The following A1CF variants were observed in gnomAD, a reference collection of about 807,000 sequenced individuals.
A1CF encodes APOBEC-1 stimulating protein.
In A1CF, 48 loss-of-function variants were observed where a neutral mutation model predicts 68.9. That is an observed-to-expected ratio of 0.70 (90% confidence interval 0.55 to 0.89). The LOEUF (loss-of-function observed/expected upper bound fraction) is 0.89. A1CF is among the 40% of genes least tolerant of loss of function. A1CF has a pLI of 0.00. For missense variants in A1CF, 653 were observed against 718.9 expected (o/e 0.91, Z 1.05); for synonymous variants, 272 against 260.4 (o/e 1.04, Z -0.43).
intron 8 of A1CF, among the ~76,000 whole-genome samples, chr10:50,819,620 T>C (rs1416013323): frequency 6.6e-6 from 1 of 152,190 alleles, no homozygotes; most frequent in Non-Finnish European, 1.5e-5. Context: ...CCCTGACCGA[T>C]GCCAGATCCG....
chr10:50,845,881 G>T (rs537483456), intron 3 of A1CF, among the ~76,000 whole-genome samples: 1 of 150,426 alleles, frequency 6.6e-6, no homozygotes, highest in East Asian at 2.0e-4. Context: ...TTGAACCCAG[G>T]AAGTAGAGGT....
chr10:50,857,975 A>G (rs73326793), intron 3 of A1CF, among the ~76,000 whole-genome samples: 8 of 152,332 alleles, frequency 5.3e-5, no homozygotes, highest in Admixed American at 2.0e-4. Flanking sequence ...TGAGAGCCCA[A>G]TGAAGGTAGC....
At chr10:50,842,530 G>C (rs536752644) in intron 4 of A1CF, among the ~76,000 whole-genome samples, 5 of 152,288 alleles carry the variant, frequency 3.3e-5, no homozygotes, top group Admixed American at 2.0e-4. Flanking sequence ...AGAATTGCTT[G>C]AGCCCAGGCA....
chr10:50,885,481 C>T (rs979604964), intron 1 of A1CF, 100 bp downstream of exon 1: 1 of 152,152 alleles, frequency 6.6e-6, no homozygotes, highest in South Asian at 2.1e-4. Context: ...GGCTCGATAA[C>T]AGAAGAGGGT....
chr10:50,847,258 AC>A (rs1840043460), intron 3 of A1CF, among the ~76,000 whole-genome samples: 1 of 152,126 alleles, frequency 6.6e-6, no homozygotes, highest in Non-Finnish European at 1.5e-5. Context: ...AGACTTACAA[AC>A]CGTTGTCTCT....
At chr10:50,850,894 T>G in intron 3 of A1CF, 2 of 1,420,524 alleles carry the variant, frequency 1.4e-6, no homozygotes, top group Non-Finnish European at 1.9e-6. Flanking sequence ...ATTTATTCAA[T>G]AGGCCCATCT....
intron 1 of A1CF, among the ~76,000 whole-genome samples, chr10:50,874,570 G>T (rs1030174261): frequency 2.0e-5 from 3 of 152,094 alleles, no homozygotes; most frequent in South Asian, 4.1e-4. Flanking sequence ...AACTGCAAAC[G>T]TTCTTAAATT....
chr10:50,832,711 T>C lies in A1CF; in HGVS notation c.604+3363A>G, dbSNP rs533402038. ...CAGTTTCCTTATCTACAACCTACTA[T>C]TGTTGTGAGGTCAGGAAAAGATGAT... On this transcript the variant is annotated intron_variant, in intron 6 of 12. Transcript: ENST00000373997. Among the ~76,000 whole-genome samples, 7 of 152,270 alleles carry C rather than the reference T, an allele frequency of 4.6e-5. No individual in the cohort carries two copies. The South Asian group carries it at 1.0e-3, about 23-fold the overall frequency.
At chr10:50,848,572 C>G (rs1465147360) in intron 3 of A1CF, among the ~76,000 whole-genome samples, 1 of 152,138 alleles carries the variant, frequency 6.6e-6, no homozygotes, top group East Asian at 1.9e-4. Flanking sequence ...CCTCATTCAG[C>G]CTGTTTTTTC....
chr10:50,849,985 G>A (rs774802684), intron 3 of A1CF, among the ~76,000 whole-genome samples: 1 of 151,804 alleles, frequency 6.6e-6, no homozygotes, highest in East Asian at 1.9e-4. Context: ...TAGTAGAGAC[G>A]GAGTTTCACT....
At chr10:50,859,741 C>G in intron 3 of A1CF, 101 bp downstream of exon 3, 1 of 953,714 alleles carries the variant, frequency 1.0e-6, no homozygotes, top group Non-Finnish European at 1.6e-6. Flanking sequence ...CTCTAAAGAG[C>G]TATGTAACTG....
At chr10:50,854,423 A>T (rs1220421617) in intron 3 of A1CF, among the ~76,000 whole-genome samples, 2 of 152,034 alleles carry the variant, frequency 1.3e-5, no homozygotes, top group African/African-American at 4.8e-5. Flanking sequence ...TTGCCTGACC[A>T]TTAATATTAC....
chr10:50,821,881 C>T (rs1323372258), intron 7 of A1CF, among the ~76,000 whole-genome samples: 1 of 152,012 alleles, frequency 6.6e-6, no homozygotes, highest in African/African-American at 2.4e-5. Context: ...ATAGTAAGTA[C>T]AATATTACAG....
intron 10 of A1CF, among the ~76,000 whole-genome samples, chr10:50,811,493 T>C (rs1838108970): frequency 6.6e-6 from 1 of 152,236 alleles, no homozygotes. Flanking sequence ...TAAAAATTGT[T>C]GCTCCAACAC....
intron 6 of A1CF, among the ~76,000 whole-genome samples, chr10:50,830,777 G>C (rs529886081): frequency 1.3e-5 from 2 of 152,204 alleles, no homozygotes; most frequent in South Asian, 2.1e-4. Flanking sequence ...TCTAAAATTT[G>C]TATGGGGCCA....
intron 6 of A1CF, 86 bp downstream of exon 6, chr10:50,835,988 C>CA (rs149128118): frequency 4.6e-5 from 59 of 1,288,854 alleles, no homozygotes; most frequent in South Asian, 2.1e-4. Context: ...GAAAGATAGC[C>CA]AAAAAAAATT....
chr10:50,846,698 G>A (rs1245804726), intron 3 of A1CF, among the ~76,000 whole-genome samples: 1 of 152,140 alleles, frequency 6.6e-6, no homozygotes, highest in African/African-American at 2.4e-5. Context: ...TGCTAAAAAT[G>A]CCATCCAACT....
At chr10:50,815,125 C>T (rs1243458089) in intron 9 of A1CF, among the ~76,000 whole-genome samples, 2 of 152,150 alleles carry the variant, frequency 1.3e-5, no homozygotes, top group East Asian at 1.9e-4. Context: ...CTTAAATGCA[C>T]AGTTTATCGA....
intron 5 of A1CF, among the ~76,000 whole-genome samples, chr10:50,840,877 C>T (rs553303371): frequency 6.6e-6 from 1 of 152,172 alleles, no homozygotes; most frequent in Non-Finnish European, 1.5e-5. Context: ...CACAGATACT[C>T]GGACCAAAAT....
Sources: allele counts gnomAD v4.1 joint callset (sites outside exome capture counted in the v4.1 genomes callset), GRCh38; gene constraint gnomAD v4.1.1; transcripts MANE v1.5; gene names NCBI Gene and HGNC (gene_info 2026-07-23, HGNC 2026-07-21).